FBXW4: variants seen among roughly 807,000 people sequenced by gnomAD.
FBXW4 encodes F-box/WD repeat-containing protein 4.
Under a neutral mutation model 61.8 loss-of-function variants are expected in FBXW4, and 40 were observed. That is an observed-to-expected ratio of 0.65 (90% CI 0.50 to 0.84). The LOEUF (loss-of-function observed/expected upper bound fraction) is 0.84, where lower values mean the gene tolerates loss of function less well. Ranked by LOEUF, FBXW4 falls within the 40% of genes least tolerant of loss-of-function variation. The probability of loss-of-function intolerance (pLI) is 0.00; values close to 1 mark genes in which losing one functional copy is unlikely to be tolerated. For synonymous variants in FBXW4, 311 were observed against 313.8 expected, an observed-to-expected ratio of 0.99 and a Z score of 0.10; for missense variants, 672 against 753.8, an observed-to-expected ratio of 0.89 and a Z score of 1.27.
chr10:101,665,483 T>C (rs923092065), intron 5 of FBXW4, among the ~76,000 whole-genome samples: 13 of 151,992 alleles, frequency 8.6e-5, no homozygotes, highest in African/African-American at 3.1e-4. Flanking sequence ...ACCCTGAAGA[T>C]GAATGGGAAG....
chr10:101,692,372 A>C (rs888260214), intron 1 of FBXW4, among the ~76,000 whole-genome samples: 1 of 151,816 alleles, frequency 6.6e-6, no homozygotes, highest in African/African-American at 2.4e-5. Flanking sequence ...AAAGGAAAAG[A>C]GAATTACTTA....
chr10:101,623,447 G>A (rs2063883891), intron 6 of FBXW4, among the ~76,000 whole-genome samples: 1 of 152,140 alleles, frequency 6.6e-6, no homozygotes, highest in East Asian at 1.9e-4. Context: ...CCAAATGCTG[G>A]TGAGGATGTG....
chr10:101,690,125 A>G (rs2064579098), intron 1 of FBXW4, among the ~76,000 whole-genome samples: 1 of 152,262 alleles, frequency 6.6e-6, no homozygotes, highest in African/African-American at 2.4e-5. Context: ...CTTTACATGC[A>G]CAGATGTACT....
rs576800697 is a variant in FBXW4, at chr10:101,655,289, A to G, written c.1235+12597T>C. On this transcript the variant is annotated intron_variant, in intron 5 of 8. Transcript: ENST00000331272. ...CAACCTAATGCAATTTAAAAACTCT[A>G]ACTTTTCCTCTTTTTATTCTTGAAC... Among the ~76,000 whole-genome samples, 274 of 152,340 alleles carry G rather than the reference A, an allele frequency of 1.8e-3. 3 individuals carry two copies. Among genetic ancestry groups the G allele is most frequent in the Middle Eastern group, 3.4e-3 (1 of 294 alleles).
At chr10:101,661,191 C>T (rs560839044) in intron 5 of FBXW4, among the ~76,000 whole-genome samples, 3 of 152,258 alleles carry the variant, frequency 2.0e-5, no homozygotes, top group South Asian at 4.2e-4. Flanking sequence ...TCATGTAAGT[C>T]GGCTCTTGAC....
chr10:101,675,227 T>C (rs146703913), intron 2 of FBXW4, among the ~76,000 whole-genome samples: 2 of 152,292 alleles, frequency 1.3e-5, no homozygotes, highest in African/African-American at 2.4e-5. Flanking sequence ...ATTATGCACA[T>C]TCCTCTTCAA....
intron 5 of FBXW4, among the ~76,000 whole-genome samples, chr10:101,657,326 G>A (rs143859921): frequency 2.6e-5 from 4 of 152,004 alleles, no homozygotes; most frequent in Admixed American, 2.6e-4. Context: ...GAAATAAAAC[G>A]CCTACTTCCA....
intron 5 of FBXW4, among the ~76,000 whole-genome samples, chr10:101,630,380 C>T (rs1002617097): frequency 8.5e-5 from 13 of 152,348 alleles, no homozygotes; most frequent in Admixed American, 8.5e-4. Flanking sequence ...GCAAAGGTCA[C>T]AGGCCTCATT....
chr10:101,667,871 A>G lies in FBXW4; in HGVS notation c.1235+15T>C, dbSNP rs777610022. 9 of 1,606,282 alleles carry G rather than the reference A, an allele frequency of 5.6e-6. No homozygotes were observed. The South Asian group carries it at 6.6e-5, about 12-fold the overall frequency. Reference sequence around the variant, plus strand: ...TTATACAGGACAAAACCACATCCAAATATGTCTCCCTTACCTGAGTAATGG... The same window carrying G: ...TTATACAGGACAAAACCACATCCAAGTATGTCTCCCTTACCTGAGTAATGG... On this transcript the variant is annotated intron_variant, in intron 5 of 8. Transcript: ENST00000331272.
At chr10:101,625,936 GATTTC>G (rs1485827286) in intron 5 of FBXW4, 1 of 152,274 alleles carries the variant, frequency 6.6e-6, no homozygotes, top group Non-Finnish European at 1.5e-5. Context: ...TGAGGAGATG[GATTTC>G]CACAGAGAGG....
Position 101,611,921 on chromosome 10 carries a change from G to A in FBXW4, c.1443-152C>T, listed in dbSNP as rs1279887697. 12 of 975,994 alleles carry A rather than the reference G, an allele frequency of 1.2e-5. No homozygotes were observed. The highest frequency in any genetic ancestry group is 3.2e-4 in the Middle Eastern group (1 of 3,116). The allele number at this position is 975,994 out of a possible 1,614,324, so 60.5% of individuals were successfully genotyped here. The stretch of plus-strand genomic sequence containing the variant: ...TAAATCATCAGATTCATCAAAAACC[G>A]AACTTCATGGGAGAAAGCATCTTCT... On this transcript the variant is annotated intron_variant, in intron 7 of 8. Transcript: ENST00000331272. The surrounding 1 kb of genome is among the most constrained non-coding windows in gnomAD (Gnocchi z 4.9).
At position 101,611,224 on chromosome 10, in the gene FBXW4, C is replaced by T; in HGVS notation, c.*67G>A. On this transcript the variant is annotated 3_prime_UTR_variant, in exon 9 of 9. Coordinates refer to ENST00000331272, the MANE Select transcript of FBXW4 (RefSeq NM_022039.4). This position sits in a 1 kb window ranked among gnomAD's most constrained non-coding sequence, Gnocchi z 4.9. The stretch of plus-strand genomic sequence containing the variant: ...CAGTGAGGAGGAGCTATCACTGCAC[C>T]CTCCAGGCAAGAGAAGTCCCTGAGT... The T allele has an allele frequency of 6.4e-7, 1 of 1,573,568 alleles. No homozygotes were observed. Among genetic ancestry groups the T allele is most frequent in the South Asian group, 1.2e-5 (1 of 83,164 alleles).
chr10:101,659,186 G>A (rs745827540), intron 5 of FBXW4, among the ~76,000 whole-genome samples: 40 of 152,272 alleles, frequency 2.6e-4, no homozygotes, highest in Non-Finnish European at 5.1e-4. Context: ...AGCCCAAGCA[G>A]CACCTGCAGA....
At chr10:101,627,440 G>A (rs2063916324) in intron 5 of FBXW4, among the ~76,000 whole-genome samples, 1 of 152,168 alleles carries the variant, frequency 6.6e-6, no homozygotes, top group Non-Finnish European at 1.5e-5. Context: ...CATGGGGCCT[G>A]CCCAGGACTC....
At chr10:101,688,926 T>C (rs2064559875) in intron 1 of FBXW4, among the ~76,000 whole-genome samples, 1 of 152,210 alleles carries the variant, frequency 6.6e-6, no homozygotes, top group African/African-American at 2.4e-5. Context: ...CCCAGTTCCA[T>C]GGTTACAAGT....
At chr10:101,625,671 G>A (rs986790769) in intron 5 of FBXW4, 36 of 152,230 alleles carry the variant, frequency 2.4e-4, no homozygotes, top group African/African-American at 8.2e-4. Context: ...TTGAACCTAT[G>A]AGCCAGACAA....
At chr10:101,683,604 C>A (rs2064502073) in intron 1 of FBXW4, among the ~76,000 whole-genome samples, 1 of 151,976 alleles carries the variant, frequency 6.6e-6, no homozygotes, top group African/African-American at 2.4e-5. Flanking sequence ...CACCCCAAAA[C>A]CAAAAGCAAA....
At chr10:101,687,013 A>G (rs2064540985) in intron 1 of FBXW4, among the ~76,000 whole-genome samples, 3 of 152,236 alleles carry the variant, frequency 2.0e-5, no homozygotes, top group Non-Finnish European at 4.4e-5. Flanking sequence ...GGAAAAAAGG[A>G]AAAGAAGTAC....
chr10:101,671,304 G>A (rs2064356513), intron 4 of FBXW4, among the ~76,000 whole-genome samples: 1 of 152,204 alleles, frequency 6.6e-6, no homozygotes, highest in African/African-American at 2.4e-5. Flanking sequence ...CCAGAGAAGA[G>A]AATTCTGTCA....
Sources: gnomAD v4.1 joint callset for allele counts (sites outside exome capture counted in the v4.1 genomes callset) on GRCh38, gnomAD v4.1.1 for gene constraint, Gnocchi (gnomAD v3.1) non-coding constraint, MANE v1.5 for transcripts, NCBI Gene and HGNC (gene_info 2026-07-23, HGNC 2026-07-21) for gene names.